The following MIB1 variants were observed in gnomAD, a reference collection of about 807,000 sequenced individuals.
The protein encoded by MIB1 is E3 ubiquitin-protein ligase MIB1.
In MIB1, 278 loss-of-function variants were observed where a neutral mutation model predicts 124.5. That is an observed-to-expected ratio of 2.23 (90% CI 2.02 to 2.47). MIB1 has a LOEUF of 2.47. MIB1 is among the 30% of genes most tolerant of loss of function. The pLI is 0.00. For synonymous variants in MIB1, 446 were observed against 429.4 expected (o/e 1.04, Z -0.48); for missense variants, 957 against 1,254.4 (o/e 0.76, Z 3.58).
At chr18:21,803,550 A>T (rs888152269) in intron 9 of MIB1, among the ~76,000 whole-genome samples, 7 of 152,060 alleles carry the variant, frequency 4.6e-5, no homozygotes, top group Non-Finnish European at 1.0e-4. Context: ...TTTTCTTTTC[A>T]CTTCAGTGCT....
chr18:21,810,063 C>G (rs2041753471), intron 10 of MIB1, among the ~76,000 whole-genome samples: 1 of 152,042 alleles, frequency 6.6e-6, no homozygotes. Context: ...AGTTGTATGT[C>G]TATACATTAA....
rs1313063738 is a variant in MIB1, at chr18:21,867,522, G to A, written c.*2856G>A. ...AAGGTTTTCAAGAAAAGATAATTTT[G>A]TATTAGTGTAGGAATATATTAGACA... is the stretch of plus-strand genomic sequence containing the variant. On this transcript the variant is annotated 3_prime_UTR_variant, in exon 21 of 21. Transcript: ENST00000261537. The A allele has an allele frequency of 6.6e-6, 1 of 152,550 alleles. No homozygotes were observed. Among genetic ancestry groups the A allele is most frequent in the African/African-American group, 2.4e-5 (1 of 41,434 alleles). 9.4% of individuals were successfully genotyped at this position (152,550 alleles called of 1,614,324 possible).
At chr18:21,785,976 T>C (rs2041430177) in intron 6 of MIB1, among the ~76,000 whole-genome samples, 1 of 152,228 alleles carries the variant, frequency 6.6e-6, no homozygotes, top group African/African-American at 2.4e-5. Context: ...GGTCTGTTGC[T>C]AGATGAATTG....
chr18:21,731,459 C>A (rs1269266895), intron 1 of MIB1, among the ~76,000 whole-genome samples: 1 of 152,094 alleles, frequency 6.6e-6, no homozygotes, highest in Non-Finnish European at 1.5e-5. Context: ...GCTGGCCAGG[C>A]GCGGTGGCTC....
intron 13 of MIB1, among the ~76,000 whole-genome samples, chr18:21,839,267 A>G (rs533357532): frequency 4.6e-5 from 7 of 152,194 alleles, no homozygotes; most frequent in Non-Finnish European, 8.8e-5. Flanking sequence ...TTAAAGAAAT[A>G]TATCAAAAGT....
chr18:21,796,362 G>A (rs2041579701), intron 7 of MIB1, among the ~76,000 whole-genome samples: 2 of 151,924 alleles, frequency 1.3e-5, no homozygotes, highest in South Asian at 4.2e-4. Flanking sequence ...GTGGACACAG[G>A]GAGGGGAACA....
chr18:21,733,914 A>T (rs997073186), intron 1 of MIB1, among the ~76,000 whole-genome samples: 1 of 152,060 alleles, frequency 6.6e-6, no homozygotes, highest in Non-Finnish European at 1.5e-5. Flanking sequence ...CATGTTGGTC[A>T]GGCTGGTCTC....
intron 1 of MIB1, among the ~76,000 whole-genome samples, chr18:21,711,492 AG>A (rs2040665354): frequency 6.6e-6 from 1 of 151,926 alleles, no homozygotes. Context: ...CATATTGGCC[AG>A]GCTGGTCTTG....
At chr18:21,743,507 G>A (rs1456960206) in intron 1 of MIB1, among the ~76,000 whole-genome samples, 1 of 152,220 alleles carries the variant, frequency 6.6e-6, no homozygotes, top group African/African-American at 2.4e-5. Context: ...AAGTGGAATT[G>A]CTGCATCAAA....
rs755006584 is a variant in MIB1, at chr18:21,741,816, A to T, written c.229+4A>T. The T allele has an allele frequency of 6.3e-7, 1 of 1,589,858 alleles. No individual in the cohort carries two copies. Among genetic ancestry groups the T allele is most frequent in the Non-Finnish European group, 8.6e-7 (1 of 1,169,016 alleles). ...ATCCTGGACAGCGCGCCCACCGGTA[A>T]GCCGCGGCCACCTGGCCAGGGCTTG... On this transcript the variant is annotated splice_donor_region_variant and intron_variant, in intron 1 of 20. Transcript: ENST00000261537. This position sits in a 1 kb window ranked among gnomAD's most constrained non-coding sequence, Gnocchi z 5.4.
intron 1 of MIB1, among the ~76,000 whole-genome samples, chr18:21,759,531 G>A (rs1208055179): frequency 1.3e-5 from 2 of 152,080 alleles, no homozygotes; most frequent in Admixed American, 6.5e-5. Context: ...GTGAGCCACC[G>A]TGCCTGGCCT....
rs747807993 is a variant in MIB1 at position 21,779,696 on chromosome 18, T to C, written c.908+11T>C. ...TCCAAGTGGCAATAGGTGGGTGATA[T>C]CTCTCAATTTTTGACAATGACAAAT... On this transcript the variant is annotated intron_variant, in intron 6 of 20. Transcript: ENST00000261537. 2.5e-6 allele frequency: 4 copies of C among 1,602,288 alleles called. No individual in the cohort carries two copies. In the Admixed American group the frequency reaches 6.7e-5, roughly 27 times the overall value.
Position 21,779,578 on chromosome 18 carries a change from T to C in MIB1, c.801T>C (p.Gly267=). Residue 267 remains glycine, a synonymous_variant, in exon 6 of 21, where the codon GGT becomes GGC. Coordinates refer to ENST00000261537, the MANE Select transcript of MIB1 (RefSeq NM_020774.4). ...AAATTGTACAGTCTTTGCAGCATGGTCATGGAGGATGGACTGATGGAATGT... is the reference window on the plus strand; with the variant it reads ...AAATTGTACAGTCTTTGCAGCATGGCCATGGAGGATGGACTGATGGAATGT... The part of the protein sequence containing the change: ...DLEIVQSLQH[G]HGGWTDGMFE... The C allele has an allele frequency of 6.2e-7, 1 of 1,614,068 alleles. No individual in the cohort carries two copies.
chr18:21,849,078 A>AT, intron 16 of MIB1, 118 bp from the exon 17 acceptor site: 1 of 655,556 alleles, frequency 1.5e-6, no homozygotes, highest in Non-Finnish European at 2.5e-6. Flanking sequence ...TTAAAGCTTA[A>AT]TTTTTTAATA....
chr18:21,722,115 C>T (rs1176979087), intron 1 of MIB1, among the ~76,000 whole-genome samples: 1 of 151,930 alleles, frequency 6.6e-6, no homozygotes, highest in South Asian at 2.1e-4. Flanking sequence ...AGTGCAATGG[C>T]GTGATCTCAG....
chr18:21,758,119 T>G (rs45511598), intron 1 of MIB1, among the ~76,000 whole-genome samples: 2,856 of 152,342 alleles, frequency 0.019, 41 homozygotes, highest in East Asian at 0.069. Flanking sequence ...AATTGCTTAC[T>G]TTTTAGAATT....
intron 4 of MIB1, among the ~76,000 whole-genome samples, chr18:21,777,747 G>A (rs1046436177): frequency 3.9e-5 from 6 of 151,910 alleles, no homozygotes; most frequent in African/African-American, 1.2e-4. Flanking sequence ...TAGTGGAGAC[G>A]GGGTTTCACC....
chr18:21,740,759 C>G (rs34318586), upstream of MIB1, among the ~76,000 whole-genome samples: 3 of 152,376 alleles, frequency 2.0e-5, no homozygotes, highest in Admixed American at 2.0e-4. Context: ...CAACCGTCCG[C>G]CCTTTTTCTA....
intron 10 of MIB1, among the ~76,000 whole-genome samples, chr18:21,805,805 T>C (rs1399958437): frequency 1.3e-5 from 2 of 152,094 alleles, no homozygotes; most frequent in Middle Eastern, 3.2e-3. Context: ...TTCTAGAGAT[T>C]TTTGTTCACA....
Sources: gnomAD v4.1 joint callset for allele counts (sites outside exome capture counted in the v4.1 genomes callset) on GRCh38, gnomAD v4.1.1 for gene constraint, Gnocchi (gnomAD v3.1) non-coding constraint, MANE v1.5 for transcripts, NCBI Gene and HGNC (gene_info 2026-07-23, HGNC 2026-07-21) for gene names.